Variants in TTN observed in about 807,000 individuals in gnomAD.
TTN encodes the protein connectin.
In TTN, 1,525 loss-of-function variants were observed where a neutral mutation model predicts 3,223.0. That is an observed-to-expected ratio of 0.47 (90% confidence interval 0.45 to 0.49). The LOEUF is 0.49. TTN is among the 20% of genes least tolerant of loss of function. The probability of loss-of-function intolerance (pLI) is 0.00; values close to 1 mark genes in which losing one functional copy is unlikely to be tolerated. For missense variants in TTN, 40,786 were observed against 43,424.0 expected (o/e 0.94, Z 5.40); for synonymous variants, 14,094 against 15,161.0 (o/e 0.93, Z 5.17).
intron 98 of TTN, 128 bp downstream of exon 98, chr2:178,710,507 C>T (rs1183659112): frequency 2.5e-6 from 3 of 1,192,718 alleles, no homozygotes; most frequent in Non-Finnish European, 3.5e-6. Context: ...CTTATTTCCT[C>T]TTAAACATTT....
chr2:178,615,038 C>T lies in TTN; in HGVS notation c.48639-70G>A, dbSNP rs919738384. On this transcript the variant is annotated intron_variant, in intron 259 of 362. Coordinates refer to ENST00000589042, the MANE Select transcript of TTN (RefSeq NM_001267550.2). ...CGTTTCATTGTGTAGTACTCATAATCTTTCAAAAATTCAAACCCCTGGTAT... is the reference window on the plus strand; with the variant it reads ...CGTTTCATTGTGTAGTACTCATAATTTTTCAAAAATTCAAACCCCTGGTAT... 3.7e-5 allele frequency: 51 copies of T among 1,378,440 alleles called. No homozygotes were observed. The African/African-American group carries it at 7.2e-4, about 20-fold the overall frequency. 85.4% of individuals were successfully genotyped at this position (1,378,440 alleles called of 1,614,324 possible).
chr2:178,691,529 T>A (rs2072440147), intron 121 of TTN, among the ~76,000 whole-genome samples: 1 of 152,226 alleles, frequency 6.6e-6, no homozygotes, highest in Admixed American at 6.5e-5. Context: ...TATTGAAGAC[T>A]CGCCACTATT....
rs1318132087 is a variant in TTN, at chr2:178,730,497, T to G, written c.18028+8A>C. On this transcript the variant is annotated splice_region_variant and intron_variant, in intron 61 of 362. Coordinates refer to ENST00000589042, the MANE Select transcript of TTN (RefSeq NM_001267550.2). ...AGTTCTTGATAAGTGGAAATAAAATTTGCCAACCTTTGACTGTCAGATGCC... is the reference window on the plus strand; with the variant it reads ...AGTTCTTGATAAGTGGAAATAAAATGTGCCAACCTTTGACTGTCAGATGCC... The G allele has an allele frequency of 8.2e-6, 13 of 1,583,196 alleles. No individual in the cohort carries two copies. In the Admixed American group the frequency reaches 2.4e-4, roughly 29 times the overall value.
chr2:178,680,978 AT>A, intron 138 of TTN, 100 bp downstream of exon 138: 1 of 1,075,086 alleles, frequency 9.3e-7, no homozygotes, highest in Non-Finnish European at 1.3e-6. Context: ...CTGACAACTA[AT>A]TTAAAAGACA....
Position 178,582,104 on chromosome 2 carries a change from C to T in TTN, c.66265G>A (p.Gly22089Ser), listed in dbSNP as rs2047909091. The T allele has an allele frequency of 1.9e-6, 3 of 1,612,978 alleles. No homozygotes were observed. Among genetic ancestry groups the T allele is most frequent in the East Asian group, 4.5e-5 (2 of 44,784 alleles). ...PADDGGSPIT[G>S]YLLEKRETQA... ...GTTTCCCGCTTTTCAAGCAAATAGC[C>T]AGTGATGGGTGAGCCCCCATCATCT... Residue 22089 changes from glycine to serine, a missense_variant, in exon 315 of 363, where the codon GGC (glycine) becomes AGC (serine). Transcript: ENST00000589042.
At chr2:178,610,509 G>A (rs897170045) in intron 270 of TTN, 120 bp from the exon 271 acceptor site, 1 of 1,067,460 alleles carries the variant, frequency 9.4e-7, no homozygotes, top group Non-Finnish European at 1.4e-6. Flanking sequence ...GTGCTGGAGT[G>A]TCATTCACAC....
Position 178,636,635 on chromosome 2 carries a change from C to G in TTN, c.41092G>C (p.Glu13698Gln), listed in dbSNP as rs1216328116. Residue 13698 changes from glutamate (E) to glutamine (Q), a missense_variant, in exon 225 of 363, where the codon GAG becomes CAG. Coordinates refer to ENST00000589042, the MANE Select transcript of TTN (RefSeq NM_001267550.2). This position sits in a 1 kb window ranked among gnomAD's most constrained non-coding sequence, Gnocchi z 4.3. ...EIKDIILTES[E>Q]FVGSSAIFEC... is the part of the protein sequence containing the mutation. ...AAGATTGCTGAAGAGCCAACGAACTCTGATTCTGTCAAGATGATGTCTTTG... is the reference window on the plus strand; with the variant it reads ...AAGATTGCTGAAGAGCCAACGAACTGTGATTCTGTCAAGATGATGTCTTTG... 6.2e-7 allele frequency: 1 copy of G among 1,613,390 alleles called. No individual in the cohort carries two copies. The highest frequency in any genetic ancestry group is 2.2e-5 in the East Asian group (1 of 44,728).
Position 178,619,522 on chromosome 2 carries a change from A to G in TTN, c.46696+99T>C, listed in dbSNP as rs72677230. On this transcript the variant is annotated intron_variant, in intron 250 of 362. Transcript: ENST00000589042. Reference sequence around the variant, plus strand: ...AACATGTGGGTAGGGCTTGCTAGAAATGAAAGACCCTCACAAGGATTACCT... The same window carrying G: ...AACATGTGGGTAGGGCTTGCTAGAAGTGAAAGACCCTCACAAGGATTACCT... The G allele has an allele frequency of 2.1e-3, 3,162 of 1,471,884 alleles. 62 individuals are homozygous for G. The African/African-American group carries it at 0.039, about 18-fold the overall frequency. 91.2% of individuals were successfully genotyped at this position (1,471,884 alleles called of 1,614,324 possible).
At chr2:178,629,687 C>G (rs1040996626) in intron 239 of TTN, among the ~76,000 whole-genome samples, 1 of 152,222 alleles carries the variant, frequency 6.6e-6, no homozygotes, top group East Asian at 1.9e-4. Context: ...ATCTGTGCTG[C>G]ATCTGTCTCT....
rs2079162968 is a variant in TTN at position 178,725,381 on chromosome 2, T to C, written c.20823A>G (p.Thr6941=). The C allele has an allele frequency of 1.3e-6, 2 of 1,575,226 alleles. No homozygotes were observed. Among genetic ancestry groups the C allele is most frequent in the Non-Finnish European group, 1.7e-6 (2 of 1,159,000 alleles). Residue 6941 remains threonine, a synonymous_variant, in exon 71 of 363, where the codon ACA becomes ACG. Transcript: ENST00000589042. Reference sequence around the variant, plus strand: ...TATTGTACCAACCTAAGACCATCAGTGTGGCCATGTTCTCCCTCATTCCAC... The same window carrying C: ...TATTGTACCAACCTAAGACCATCAGCGTGGCCATGTTCTCCCTCATTCCAC... The part of the protein sequence containing the change: ...NDGGMRENMA[T]LMVLEPAVIV...
At chr2:178,749,344 A>G in intron 47 of TTN, 17 of 1,612,926 alleles carry the variant, frequency 1.1e-5, no homozygotes, top group Non-Finnish European at 1.4e-5. Flanking sequence ...GTATGAATTC[A>G]GCCCTGATGG....
chr2:178,636,233 C>A lies in TTN; in HGVS notation c.41338G>T (p.Val13780Leu). 1 of 1,563,986 alleles carries A rather than the reference C, an allele frequency of 6.4e-7. No individual in the cohort carries two copies. ...TAKLVVEELP[V>L]RFVKTLEEEV... ...TCTTCCAGTGTTTTTACAAAACGCACAGGAAGTTCTATGGAGAATTTCAGT... is the reference window on the plus strand; with the variant it reads ...TCTTCCAGTGTTTTTACAAAACGCAAAGGAAGTTCTATGGAGAATTTCAGT... The change falls in exon 226 of 363, where the codon GTG (valine) becomes TTG (leucine). Residue 13780 changes from valine to leucine, a missense_variant. Val to Leu is a conservative substitution (Grantham distance 32). Coordinates refer to ENST00000589042, the MANE Select transcript of TTN (RefSeq NM_001267550.2). The surrounding 1 kb of genome is among the most constrained non-coding windows in gnomAD (Gnocchi z 4.3).
intron 47 of TTN, chr2:178,749,301 T>C (rs367757106): frequency 6.2e-7 from 1 of 1,611,856 alleles, no homozygotes; most frequent in Middle Eastern, 1.6e-4. Context: ...GATTTTTCAC[T>C]TACATGTCTC....
At chr2:178,707,951 T>C in intron 99 of TTN, 138 bp from the exon 100 acceptor site, 1 of 868,348 alleles carries the variant, frequency 1.2e-6, no homozygotes, top group Non-Finnish European at 1.7e-6. Context: ...ATGTGCCTGG[T>C]TTATTCCTCT....
At chr2:178,619,342 C>G (rs1353519780) in intron 250 of TTN, 2 of 487,566 alleles carry the variant, frequency 4.1e-6, no homozygotes, top group African/African-American at 2.0e-5. Context: ...TTAGATTTGC[C>G]AAGACTCTCA....
chr2:178,715,078 A>G lies in TTN; in HGVS notation c.26108T>C (p.Leu8703Pro). 1 of 1,613,686 alleles carries G rather than the reference A, an allele frequency of 6.2e-7. No homozygotes were observed. Among genetic ancestry groups the G allele is most frequent in the Non-Finnish European group, 8.5e-7 (1 of 1,179,664 alleles). The change falls in exon 90 of 363, where the codon CTG becomes CCG. Residue 8703 changes from leucine to proline, a missense_variant. By Grantham distance (98) the Leu-to-Pro change is moderately conservative. Coordinates refer to ENST00000589042, the MANE Select transcript of TTN (RefSeq NM_001267550.2). ...CCCAATGTCTGCAGCATCGACATTC[A>G]GGATGTGGATACTGGTTAGGAAGTT... The part of the protein sequence containing the change: ...SENFLTSIHI[L>P]NVDAADIGEY...
At chr2:178,746,213 T>C (rs2083509379) in intron 47 of TTN, 5 of 1,612,960 alleles carry the variant, frequency 3.1e-6, no homozygotes, top group Non-Finnish European at 4.2e-6. Context: ...GAATACAGCA[T>C]CTGAATTTTC....
At chr2:178,694,138 T>C in intron 117 of TTN, 130 bp from the exon 118 acceptor site, 1 of 649,516 alleles carries the variant, frequency 1.5e-6, no homozygotes, top group Non-Finnish European at 2.6e-6. Flanking sequence ...GAGAACAAAT[T>C]CAGTATTGAC....
At position 178,715,697 on chromosome 2, in the gene TTN, T is replaced by G. The variant is rs142609645; in HGVS notation, c.25717A>C (p.Ile8573Leu). Residue 8573 changes from isoleucine (I) to leucine (L), a missense_variant, in exon 89 of 363, where the codon ATC (isoleucine) becomes CTC (leucine). Ile to Leu is a conservative substitution (Grantham distance 5). Transcript: ENST00000589042. The part of the protein sequence containing the change: ...QDEFTRYECK[I>L]GGSPEIKVLW... ...ACTTTGATTTCTGGAGACCCACCGA[T>G]TTTGCATTCATACCTTGTGAATTCA... is the stretch of plus-strand genomic sequence containing the variant. The G allele has an allele frequency of 8.1e-6, 13 of 1,609,678 alleles. No individual in the cohort carries two copies. In the African/African-American group the frequency reaches 1.7e-4, roughly 21 times the overall value.
Sources: gnomAD v4.1 joint callset for allele counts (sites outside exome capture counted in the v4.1 genomes callset) on GRCh38, gnomAD v4.1.1 for gene constraint, Gnocchi (gnomAD v3.1) non-coding constraint, MANE v1.5 for transcripts, NCBI Gene and HGNC (gene_info 2026-07-23, HGNC 2026-07-21) for gene names.